The following GLS variants were observed in gnomAD, a reference collection of about 807,000 sequenced individuals.
GLS encodes the protein glutaminase, also known as glutaminase kidney isoform, mitochondrial.
Under a neutral mutation model 86.7 loss-of-function variants are expected in GLS, and 36 were observed. That is an observed-to-expected ratio of 0.42 (90% CI 0.32 to 0.55). GLS has a LOEUF of 0.55. Among genes scored for constraint, GLS ranks in the 20% least tolerant of loss-of-function variants. The probability of loss-of-function intolerance (pLI) is 0.17; values close to 1 mark genes in which losing one functional copy is unlikely to be tolerated. For missense variants in GLS, 528 were observed against 833.4 expected, an observed-to-expected ratio of 0.63 and a Z score of 4.51; for synonymous variants, 317 against 305.9, an observed-to-expected ratio of 1.04 and a Z score of -0.38.
chr2:190,931,277 A>G (rs1037398280), intron 13 of GLS, among the ~76,000 whole-genome samples: 1 of 152,150 alleles, frequency 6.6e-6, no homozygotes, highest in African/African-American at 2.4e-5. Flanking sequence ...GAATTCTTTC[A>G]TGGGGCCGGT....
chr2:190,903,344 C>G (rs1308871445), intron 5 of GLS, among the ~76,000 whole-genome samples: 2 of 152,172 alleles, frequency 1.3e-5, no homozygotes, highest in Admixed American at 1.3e-4. Context: ...ACCTAGGTCT[C>G]TTAACTTCTA....
In GLS at chr2:190,895,042, T is replaced by TA. The variant is rs538610650; in HGVS notation, c.387-109dup. The TA allele has an allele frequency of 2.4e-4, 138 of 565,394 alleles. No individual in the cohort carries two copies. The highest frequency in any genetic ancestry group is 3.8e-4 in the Non-Finnish European group (117 of 307,152). 35.0% of individuals were successfully genotyped at this position (565,394 alleles called of 1,614,324 possible). A position where few individuals can be genotyped will look rare whatever the true frequency, so the allele number is the denominator to read the frequency against. On this transcript the variant is annotated intron_variant, in intron 1 of 17. Transcript: ENST00000320717. This position sits in a 1 kb window ranked among gnomAD's most constrained non-coding sequence, Gnocchi z 4.2. ...TTTATTATGACTGTAGTCTTGAGTA[T>TA]ATGAGCTCAGCTGTAGTCTAGTTTA...
intron 5 of GLS, among the ~76,000 whole-genome samples, chr2:190,902,391 C>T (rs1054295332): frequency 1.3e-5 from 2 of 152,110 alleles, no homozygotes; most frequent in African/African-American, 4.8e-5. Context: ...GGTAACCCAT[C>T]TGTCGTTGTC....
At chr2:190,899,835 C>T (rs1688875971) in intron 3 of GLS, among the ~76,000 whole-genome samples, 1 of 152,142 alleles carries the variant, frequency 6.6e-6, no homozygotes, top group South Asian at 2.1e-4. Flanking sequence ...CTCTCCCATC[C>T]ACTTGGTTTA....
At chr2:190,933,538 T>C in intron 14 of GLS, 1 of 952,772 alleles carries the variant, frequency 1.0e-6, no homozygotes, top group Non-Finnish European at 1.2e-6. Context: ...TACAGGAGTG[T>C]CTTATGTTAC....
chr2:190,937,994 C>T (rs1051135254), intron 14 of GLS, among the ~76,000 whole-genome samples: 3 of 151,036 alleles, frequency 2.0e-5, no homozygotes, highest in Non-Finnish European at 3.0e-5. Flanking sequence ...CTGCTTCTGT[C>T]GGTTAATCTT....
At chr2:190,910,112 T>C (rs1689305995) in intron 6 of GLS, 151 bp from the exon 7 acceptor site, 1 of 523,960 alleles carries the variant, frequency 1.9e-6, no homozygotes, top group African/African-American at 2.0e-5. Flanking sequence ...CTTCTGTGTA[T>C]GTGCTTGTAT....
chr2:190,959,462 T>G lies in GLS; in HGVS notation c.1854-3368T>G, dbSNP rs192473285. On this transcript the variant is annotated intron_variant, in intron 17 of 17. Transcript: ENST00000320717. ...TTATGTGTGAATTTGATCCTGTCAT[T>G]ATGATGCTAGCTGGTTATTTTGTCC... is the stretch of plus-strand genomic sequence containing the variant. Among the ~76,000 whole-genome samples, 972 of 152,334 alleles carry G rather than the reference T, an allele frequency of 6.4e-3. 9 individuals carry two copies. The highest frequency in any genetic ancestry group is 0.022 in the African/African-American group (922 of 41,568).
At position 190,900,607 on chromosome 2, in the gene GLS, A is replaced by G. The variant is rs776399418; in HGVS notation, c.649A>G (p.Arg217Gly). The G allele has an allele frequency of 2.5e-6, 4 of 1,601,406 alleles. No homozygotes were observed. Among genetic ancestry groups the G allele is most frequent in the Non-Finnish European group, 8.6e-7 (1 of 1,169,122 alleles). The change falls in exon 4 of 18, where the codon AGA becomes GGA. Residue 217 changes from arginine to glycine, a missense_variant. Physicochemically the swap from Arg to Gly is moderately radical, Grantham distance 125. This residue lies in a region of GLS where 111 missense variants were observed against 179.5 expected (regional missense o/e 0.62). Coordinates refer to ENST00000320717, the MANE Select transcript of GLS (RefSeq NM_014905.5). Reference sequence around the variant, plus strand: ...TGTTTTGTTGACACAAGCATTTAGAAGAAAGTTTGTGATTCCTGACTTTAT... The same window carrying G: ...TGTTTTGTTGACACAAGCATTTAGAGGAAAGTTTGTGATTCCTGACTTTAT... The part of the protein sequence containing the change: ...NIVLLTQAFR[R>G]KFVIPDFMSF...
In GLS at chr2:190,906,337, A is replaced by G. The variant is rs1009223436; in HGVS notation, c.979+1170A>G. Among the ~76,000 whole-genome samples, 11 of 152,262 alleles carry G rather than the reference A, an allele frequency of 7.2e-5. No homozygotes were observed. The South Asian group carries it at 1.4e-3, about 20-fold the overall frequency. On this transcript the variant is annotated intron_variant, in intron 6 of 17. Transcript: ENST00000320717. ...TGAATTGATGGATTTCGAGGGAGAT[A>G]TTTAAGAAAAAACAAATATAGTAAT...
chr2:190,959,249 T>TC (rs1249267044), intron 17 of GLS, among the ~76,000 whole-genome samples: 1 of 152,022 alleles, frequency 6.6e-6, no homozygotes. Context: ...CCTGCTTTTT[T>TC]TTTTTTTTTG....
rs1691086956 is a variant in GLS, at chr2:190,964,827, T to C, written c.*1841T>C. The C allele has an allele frequency of 6.6e-6, 1 of 152,258 alleles. No individual in the cohort carries two copies. Among genetic ancestry groups the C allele is most frequent in the Non-Finnish European group, 1.5e-5 (1 of 68,050 alleles). The allele number at this position is 152,258 out of a possible 1,614,324, so 9.4% of individuals were successfully genotyped here. A position where few individuals can be genotyped will look rare whatever the true frequency, so the allele number is the denominator to read the frequency against. ...AACTTTATTCAAAGAGCAGCCCGCT[T>C]TGTGTGACTAAAATGAAACAAGACA... is the stretch of plus-strand genomic sequence containing the variant. On this transcript the variant is annotated 3_prime_UTR_variant, in exon 18 of 18. Transcript: ENST00000320717. The surrounding 1 kb of genome is among the most constrained non-coding windows in gnomAD (Gnocchi z 5.2).
At chr2:190,933,787 T>C (rs2124921971) in intron 14 of GLS, 1 of 693,570 alleles carries the variant, frequency 1.4e-6, no homozygotes, top group African/African-American at 1.9e-5. Context: ...AATGCTAATA[T>C]TTCTTTTGTG....
rs1234562915 is a variant in GLS at position 190,880,912 on chromosome 2, G to GCAGCAGCAC, written c.-171_-163dup. 3.0e-4 allele frequency: 280 copies of GCAGCAGCAC among 946,820 alleles called. 14 individuals carry two copies. Among genetic ancestry groups the GCAGCAGCAC allele is most frequent in the South Asian group, 8.6e-4 (61 of 70,566 alleles). The allele number at this position is 946,820 out of a possible 1,614,324, so 58.7% of individuals were successfully genotyped here. ...AGCAGCAGCAGCAGCAGCAGCAGCA[G>GCAGCAGCAC]CAGCAGCACCCGCATCCGCTGCGGG... On this transcript the variant is annotated 5_prime_UTR_variant, in exon 1 of 18. Coordinates refer to ENST00000320717, the MANE Select transcript of GLS (RefSeq NM_014905.5).
In GLS at chr2:190,947,767, T is replaced by G. The variant is rs1456129471; in HGVS notation, c.1651-5798T>G. On this transcript the variant is annotated intron_variant, in intron 14 of 17. Transcript: ENST00000320717. The surrounding 1 kb of genome is among the most constrained non-coding windows in gnomAD (Gnocchi z 5.0). ...GGGGAAATAGGGGAATGAGCTTTGA[T>G]CAATGGTTAGCACACCTACATCCTT... 1.3e-5 allele frequency among the ~76,000 whole-genome samples: 2 copies of G among 152,140 alleles called. No homozygotes were observed. The highest frequency in any genetic ancestry group is 6.5e-5 in the Admixed American group (1 of 15,272).
At chr2:190,915,721 C>G (rs535837522) in intron 7 of GLS, among the ~76,000 whole-genome samples, 1 of 152,268 alleles carries the variant, frequency 6.6e-6, no homozygotes, top group South Asian at 2.1e-4. Flanking sequence ...AATTTTAGTA[C>G]AGTGCACTGC....
rs746637516 is a variant in GLS at position 190,927,290 on chromosome 2, T to C, written c.1249-16T>C. ...ATTAAAAGTAGTATGAGAATTCTGC[T>C]TTTTCTTTGTGTTAGCTGTGCTCCA... is the stretch of plus-strand genomic sequence containing the variant. On this transcript the variant is annotated splice_polypyrimidine_tract_variant and intron_variant, in intron 11 of 17. Transcript: ENST00000320717. The C allele has an allele frequency of 1.9e-6, 3 of 1,580,928 alleles. No homozygotes were observed. Among genetic ancestry groups the C allele is most frequent in the Non-Finnish European group, 2.6e-6 (3 of 1,166,804 alleles).
rs945507509 is a variant in GLS, at chr2:190,943,380, A to G, written c.1651-10185A>G. On this transcript the variant is annotated intron_variant, in intron 14 of 17. Transcript: ENST00000320717. This position sits in a 1 kb window ranked among gnomAD's most constrained non-coding sequence, Gnocchi z 4.5. Reference sequence around the variant, plus strand: ...TAGTATAAAGTGATAAGGAAAGTGTATCAAAGACAGAACCCTAAGAAACCA... The same window carrying G: ...TAGTATAAAGTGATAAGGAAAGTGTGTCAAAGACAGAACCCTAAGAAACCA... Among the ~76,000 whole-genome samples, 1 of 152,184 alleles carries G rather than the reference A, an allele frequency of 6.6e-6. No homozygotes were observed. Among genetic ancestry groups the G allele is most frequent in the Admixed American group, 6.5e-5 (1 of 15,286 alleles).
Position 190,880,829 on chromosome 2 carries a change from G to C in GLS, c.-256G>C. Reference sequence around the variant, plus strand: ...CCCTGCGCTTTAGCCTCAGTGCGGAGCCTTAGGCGGAGCGAAGAGAACCGG... The same window carrying C: ...CCCTGCGCTTTAGCCTCAGTGCGGACCCTTAGGCGGAGCGAAGAGAACCGG... On this transcript the variant is annotated 5_prime_UTR_variant, in exon 1 of 18. Transcript: ENST00000320717. 2.7e-6 allele frequency: 2 copies of C among 747,892 alleles called. No homozygotes were observed. The highest frequency in any genetic ancestry group is 1.5e-5 in the South Asian group (1 of 67,064). 46.3% of individuals were successfully genotyped at this position (747,892 alleles called of 1,614,324 possible).
Sources: gnomAD v4.1 joint callset for allele counts (sites outside exome capture counted in the v4.1 genomes callset) on GRCh38, gnomAD v4.1.1 for gene constraint, gnomAD v4.1.1 regional missense constraint, Gnocchi (gnomAD v3.1) non-coding constraint, MANE v1.5 for transcripts, NCBI Gene and HGNC (gene_info 2026-07-23, HGNC 2026-07-21) for gene names.